Variants in SIRT1 observed in about 807,000 individuals in gnomAD.
SIRT1 encodes the protein NAD-dependent protein deacetylase sirtuin-1.
In SIRT1, 24 loss-of-function variants were observed where a neutral mutation model predicts 67.9. That is an observed-to-expected ratio of 0.35 (90% CI 0.26 to 0.50). The LOEUF (loss-of-function observed/expected upper bound fraction) is 0.50, where lower values mean the gene tolerates loss of function less well. Among genes scored for constraint, SIRT1 ranks in the 20% least tolerant of loss-of-function variants. The probability of loss-of-function intolerance (pLI) is 0.98; values close to 1 mark genes in which losing one functional copy is unlikely to be tolerated. For missense variants in SIRT1, 873 were observed against 937.2 expected (o/e 0.93, Z 0.89); for synonymous variants, 378 against 350.7 (o/e 1.08, Z -0.87).
At chr10:67,907,747 G>A (rs1842843095) in intron 5 of SIRT1, among the ~76,000 whole-genome samples, 1 of 152,086 alleles carries the variant, frequency 6.6e-6, no homozygotes, top group Non-Finnish European at 1.5e-5. Flanking sequence ...GGAGGAGTGA[G>A]CTGTTACAGT....
Position 67,888,929 on chromosome 10 carries a change from C to G in SIRT1, c.595C>G (p.Arg199Gly). 6.2e-7 allele frequency: 1 copy of G among 1,613,800 alleles called. No homozygotes were observed. The change falls in exon 3 of 9, where the codon CGA (arginine) becomes GGA (glycine). Residue 199 changes from arginine to glycine, a missense_variant. By Grantham distance (125) the Arg-to-Gly change is moderately radical. Coordinates refer to ENST00000212015, the MANE Select transcript of SIRT1 (RefSeq NM_012238.5). ...QQHLMIGTDP[R>G]TILKDLLPET... is the part of the protein sequence containing the mutation. Reference sequence around the variant, plus strand: ...ACATCTTATGATTGGCACAGATCCTCGAACAATTCTTAAAGATTTATTGCC... The same window carrying G: ...ACATCTTATGATTGGCACAGATCCTGGAACAATTCTTAAAGATTTATTGCC...
At chr10:67,909,482 A>G in intron 7 of SIRT1, 40 bp downstream of exon 7, 1 of 1,543,888 alleles carries the variant, frequency 6.5e-7, no homozygotes. Context: ...TTCTATATAT[A>G]ATGTCATGGG....
chr10:67,917,178 A>G lies in SIRT1; in HGVS notation c.*585A>G, dbSNP rs1240820675. 1.3e-5 allele frequency: 2 copies of G among 152,650 alleles called. No homozygotes were observed. Among genetic ancestry groups the G allele is most frequent in the African/African-American group, 2.4e-5 (1 of 41,452 alleles). 9.5% of individuals were successfully genotyped at this position (152,650 alleles called of 1,614,324 possible). On this transcript the variant is annotated 3_prime_UTR_variant, in exon 9 of 9. Transcript: ENST00000212015. ...ATGCAGTGTGAGTAGAAGGAAGTCA[A>G]CAATATGTGGGGAGAGCACTCGGTT...
chr10:67,904,127 G>GTTTTTTTTTTTTTT lies in SIRT1; in HGVS notation c.943-2656_943-2643dup, dbSNP rs1401398689. Among the ~76,000 whole-genome samples the GTTTTTTTTTTTTTT allele has an allele frequency of 1.4e-5, 2 of 140,042 alleles. 1 individual carries two copies. The allele number at this position is 140,042 out of a possible 152,430, so 91.9% of individuals were successfully genotyped here. ...TCAGATTTTTTAGTTTTTTTTGTTT[G>GTTTTTTTTTTTTTT]TTTTTTTTTTTTTTTTTTTTAAAGG... On this transcript the variant is annotated intron_variant, in intron 4 of 8. Coordinates refer to ENST00000212015, the MANE Select transcript of SIRT1 (RefSeq NM_012238.5).
In SIRT1 at chr10:67,887,508, T is replaced by G; in HGVS notation, c.522T>G (p.Ser174Arg). The G allele has an allele frequency of 6.2e-7, 1 of 1,612,112 alleles. No homozygotes were observed. The highest frequency in any genetic ancestry group is 8.5e-7 in the Non-Finnish European group (1 of 1,178,234). ...ATAGAGCCTCACATGCAAGCTCTAG[T>G]GACTGGACTCCAAGGCCACGGATAG... ...EEDRASHASS[S>R]DWTPRPRIGP... Residue 174 changes from serine (S) to arginine (R), a missense_variant, in exon 2 of 9, where the codon AGT (serine) becomes AGG (arginine). Transcript: ENST00000212015.
chr10:67,903,225 GC>G (rs1344859731), intron 4 of SIRT1, among the ~76,000 whole-genome samples: 2 of 152,188 alleles, frequency 1.3e-5, no homozygotes, highest in Admixed American at 1.3e-4. Flanking sequence ...CTCCCCAGTA[GC>G]AGGAACTACA....
intron 7 of SIRT1, among the ~76,000 whole-genome samples, chr10:67,912,043 C>A (rs1475054211): frequency 6.6e-6 from 1 of 152,130 alleles, no homozygotes; most frequent in Non-Finnish European, 1.5e-5. Context: ...GGATTACAGG[C>A]GTGAGCCACT....
intron 4 of SIRT1, 109 bp downstream of exon 4, chr10:67,891,663 T>G: frequency 4.6e-6 from 5 of 1,097,388 alleles, no homozygotes; most frequent in Non-Finnish European, 6.6e-6. Flanking sequence ...AAGTGAATGC[T>G]GCTACTGTGG....
Position 67,885,315 on chromosome 10 carries a change from C to T in SIRT1, c.430+164C>T, listed in dbSNP as rs1357338842. ...GCCGCGCTCCTCCGGGGCTGCGGTT[C>T]CTACTGCGCGAGCTGCCAGTGGATT... On this transcript the variant is annotated intron_variant, in intron 1 of 8. Transcript: ENST00000212015. 11 of 1,240,060 alleles carry T rather than the reference C, an allele frequency of 8.9e-6. No individual in the cohort carries two copies. The East Asian group carries it at 3.5e-4, about 39-fold the overall frequency. 76.8% of individuals were successfully genotyped at this position (1,240,060 alleles called of 1,614,324 possible).
At chr10:67,891,332 G>A (rs1229051982) in intron 3 of SIRT1, 70 bp from the exon 4 acceptor site, 10 of 1,404,826 alleles carry the variant, frequency 7.1e-6, no homozygotes, top group African/African-American at 1.4e-5. Context: ...TAATTATATG[G>A]TAAGAGAGCT....
intron 7 of SIRT1, 86 bp downstream of exon 7, chr10:67,909,528 C>CA: frequency 4.5e-6 from 5 of 1,118,214 alleles, no homozygotes; most frequent in Non-Finnish European, 6.2e-6. Context: ...GTAATCTTAA[C>CA]TCTGCTTCTG....
Position 67,893,690 on chromosome 10 carries a change from G to A in SIRT1, c.942+2136G>A, listed in dbSNP as rs149189524. Among the ~76,000 whole-genome samples, 1,099 of 152,130 alleles carry A rather than the reference G, an allele frequency of 7.2e-3. 15 individuals carry two copies. Among genetic ancestry groups the A allele is most frequent in the African/African-American group, 0.025 (1,057 of 41,512 alleles). On this transcript the variant is annotated intron_variant, in intron 4 of 8. Coordinates refer to ENST00000212015, the MANE Select transcript of SIRT1 (RefSeq NM_012238.5). ...CTTCCGAGTTGTTGGGACTACAGGC[G>A]CGTGCTGCCATGCCTGGCTAATTTT...
At chr10:67,903,770 A>G (rs1170829307) in intron 4 of SIRT1, among the ~76,000 whole-genome samples, 1 of 152,190 alleles carries the variant, frequency 6.6e-6, no homozygotes, top group Admixed American at 6.5e-5. Flanking sequence ...ATGTTTCCAG[A>G]CACAGCTATG....
intron 3 of SIRT1, 135 bp downstream of exon 3, chr10:67,889,258 G>A: frequency 2.1e-6 from 2 of 970,972 alleles, no homozygotes; most frequent in Non-Finnish European, 3.0e-6. Flanking sequence ...AAAACTGAGT[G>A]CAGCAGCAGT....
At chr10:67,886,465 C>T (rs1052200771) in intron 1 of SIRT1, among the ~76,000 whole-genome samples, 1 of 150,624 alleles carries the variant, frequency 6.6e-6, no homozygotes, top group African/African-American at 2.4e-5. Context: ...TGTCGCACAC[C>T]TTTAGTCCCA....
chr10:67,906,154 T>C, intron 4 of SIRT1: 1 of 1,343,950 alleles, frequency 7.4e-7, no homozygotes, highest in Non-Finnish European at 9.6e-7. Flanking sequence ...GAATTCTTTG[T>C]TTTTAAAGAA....
At chr10:67,888,799 A>G in intron 2 of SIRT1, 83 bp from the exon 3 acceptor site, 1 of 1,480,840 alleles carries the variant, frequency 6.8e-7, no homozygotes, top group Non-Finnish European at 9.1e-7. Context: ...CCCTCACAGA[A>G]TGCTAACTCA....
intron 1 of SIRT1, among the ~76,000 whole-genome samples, chr10:67,886,192 C>T (rs1036944389): frequency 7.2e-5 from 11 of 151,836 alleles, no homozygotes; most frequent in African/African-American, 2.7e-4. Context: ...CCGTCCGCCT[C>T]GGCCGCCCAA....
In SIRT1 at chr10:67,916,639, A is replaced by G; in HGVS notation, c.*46A>G. 1 of 1,482,930 alleles carries G rather than the reference A, an allele frequency of 6.7e-7. No individual in the cohort carries two copies. The allele number at this position is 1,482,930 out of a possible 1,614,324, so 91.9% of individuals were successfully genotyped here. A position where few individuals can be genotyped will look rare whatever the true frequency, so the allele number is the denominator to read the frequency against. ...AGGAATTGTTCCACCAGCATTAGGA[A>G]CTTTAGCATGTCAAAATGAATGTTT... is the stretch of plus-strand genomic sequence containing the variant. On this transcript the variant is annotated 3_prime_UTR_variant, in exon 9 of 9. Transcript: ENST00000212015.
Sources: allele counts gnomAD v4.1 joint callset (sites outside exome capture counted in the v4.1 genomes callset), GRCh38; gene constraint gnomAD v4.1.1; transcripts MANE v1.5; gene names NCBI Gene and HGNC (gene_info 2026-07-23, HGNC 2026-07-21).